The following EIF4E3 variants were observed in gnomAD, a reference collection of about 807,000 sequenced individuals.
The protein encoded by EIF4E3 is eukaryotic translation initiation factor 4E family member 3.
In EIF4E3, 26 loss-of-function variants were observed where a neutral mutation model predicts 31.7. That is an observed-to-expected ratio of 0.82 (90% CI 0.60 to 1.14). The LOEUF is 1.14. Among genes scored for constraint, EIF4E3 ranks in the 50% most tolerant of loss-of-function variants. EIF4E3 has a pLI of 0.00. For missense variants in EIF4E3, 304 were observed against 270.9 expected (o/e 1.12, Z -0.86); for synonymous variants, 128 against 107.7 (o/e 1.19, Z -1.17).
rs187223837 is a variant in EIF4E3, at chr3:71,744,099, G to A, written c.-291+9364C>T. 8.9e-3 allele frequency among the ~76,000 whole-genome samples: 1,345 copies of A among 151,876 alleles called. 13 individuals are homozygous for A. Among genetic ancestry groups the A allele is most frequent in the South Asian group, 0.021 (101 of 4,818 alleles). ...ATAAAATAATTCAAATTGATAAACT[G>A]AACTTCATCAAAATTAAAATCTCTG... On this transcript the variant is annotated intron_variant, in intron 1 of 7. Transcript: ENST00000295612.
chr3:71,750,531 T>C (rs917079011), intron 1 of EIF4E3, among the ~76,000 whole-genome samples: 17 of 152,214 alleles, frequency 1.1e-4, no homozygotes, highest in African/African-American at 3.9e-4. Flanking sequence ...GTAGTTTGTG[T>C]ATGTTAGTTT....
chr3:71,754,296 G>C, upstream of EIF4E3: 1 of 1,148,742 alleles, frequency 8.7e-7, no homozygotes, highest in Non-Finnish European at 1.1e-6. The surrounding 1 kb of genome is among the most constrained non-coding windows in gnomAD (Gnocchi z 5.8). Flanking sequence ...GCGGCGTGCG[G>C]CGGCCGCGGC....
chr3:71,710,590 A>G (rs1271757082), intron 1 of EIF4E3, 106 bp from the exon 2 acceptor site: 2 of 1,131,892 alleles, frequency 1.8e-6, no homozygotes, highest in Non-Finnish European at 2.6e-6. Flanking sequence ...TCAGGTCTCA[A>G]ACCACAGGAC....
intron 1 of EIF4E3, among the ~76,000 whole-genome samples, chr3:71,739,304 A>G (rs917297458): frequency 1.3e-5 from 2 of 152,086 alleles, no homozygotes; most frequent in Non-Finnish European, 2.9e-5. Flanking sequence ...GAAAAATAAT[A>G]GAGAAAATCA....
intron 2 of EIF4E3, among the ~76,000 whole-genome samples, chr3:71,707,722 C>T (rs866323110): frequency 6.6e-6 from 1 of 151,916 alleles, no homozygotes; most frequent in Non-Finnish European, 1.5e-5. Context: ...ATGCTTTGTA[C>T]GTAAAAAGAA....
the EIF4E3 span, among the ~76,000 whole-genome samples, chr3:71,665,907 C>T: frequency 6.6e-6 from 1 of 152,076 alleles, no homozygotes; most frequent in Non-Finnish European, 1.5e-5. Context: ...CCAATGAGAA[C>T]AAAGACACAA....
At chr3:71,668,544 T>A in the EIF4E3 span, among the ~76,000 whole-genome samples, 2 of 150,116 alleles carry the variant, frequency 1.3e-5, no homozygotes, top group East Asian at 2.0e-4. Context: ...TAAATAAATT[T>A]ACAAGAAAAA....
intron 1 of EIF4E3, among the ~76,000 whole-genome samples, chr3:71,732,037 C>T (rs929851768): frequency 2.0e-5 from 3 of 152,142 alleles, no homozygotes; most frequent in Non-Finnish European, 2.9e-5. Flanking sequence ...ATTTTCAGCT[C>T]TGCCACAACA....
At chr3:71,719,294 C>T (rs1030138300) in intron 1 of EIF4E3, among the ~76,000 whole-genome samples, 8 of 152,238 alleles carry the variant, frequency 5.3e-5, no homozygotes, top group Non-Finnish European at 1.0e-4. Context: ...ATGATCAATA[C>T]CTAGAGCAGT....
chr3:71,713,398 GTTTTCATCAAGT>G (rs1461010586), intron 1 of EIF4E3, among the ~76,000 whole-genome samples: 4 of 152,212 alleles, frequency 2.6e-5, no homozygotes, highest in Non-Finnish European at 5.9e-5. Context: ...CTCTTGGTAT[GTTTTCATCAAGT>G]CCACCATTTT....
rs527990463 is a variant in EIF4E3 at position 71,752,389 on chromosome 3, C to T, written c.-291+1074G>A. The stretch of plus-strand genomic sequence containing the variant: ...GGAGCACACCTAGTCATGTCGCTCC[C>T]CTTCTCAAAAGATTTCAAGGGCTCC... On this transcript the variant is annotated intron_variant, in intron 1 of 7. Transcript: ENST00000295612. Among the ~76,000 whole-genome samples, 3 of 152,240 alleles carry T rather than the reference C, an allele frequency of 2.0e-5. No individual in the cohort carries two copies. The South Asian group carries it at 6.2e-4, about 32-fold the overall frequency.
At chr3:71,712,924 C>A (rs1261929765) in intron 1 of EIF4E3, among the ~76,000 whole-genome samples, 1 of 150,296 alleles carries the variant, frequency 6.7e-6, no homozygotes, top group Non-Finnish European at 1.5e-5. Context: ...TCCGTCTCCA[C>A]AGTCTGGTCT....
At chr3:71,739,232 A>G (rs951243331) in intron 1 of EIF4E3, among the ~76,000 whole-genome samples, 1 of 151,578 alleles carries the variant, frequency 6.6e-6, no homozygotes, top group Non-Finnish European at 1.5e-5. Context: ...CAAAGCAAGC[A>G]TAAGGAAGAG....
At chr3:71,689,353 T>C (rs770110403) in intron 6 of EIF4E3, among the ~76,000 whole-genome samples, 1 of 152,202 alleles carries the variant, frequency 6.6e-6, no homozygotes, top group African/African-American at 2.4e-5. Flanking sequence ...CTACCAAACA[T>C]TGGTTTAATA....
At chr3:71,726,200 G>A (rs1380019965), upstream of EIF4E3, among the ~76,000 whole-genome samples, 5 of 152,310 alleles carry the variant, frequency 3.3e-5, no homozygotes, top group African/African-American at 1.2e-4. Context: ...CTGGCTTAAC[G>A]TGTGGCTAAC....
At chr3:71,663,973 G>A in the EIF4E3 span, among the ~76,000 whole-genome samples, 1 of 152,204 alleles carries the variant, frequency 6.6e-6, no homozygotes, top group Non-Finnish European at 1.5e-5. Context: ...TGGGCAGGGA[G>A]AGGGAGGGAG....
chr3:71,709,013 C>T (rs570187895), intron 2 of EIF4E3, among the ~76,000 whole-genome samples: 1 of 152,122 alleles, frequency 6.6e-6, no homozygotes, highest in Non-Finnish European at 1.5e-5. Context: ...ACACGCAGCA[C>T]CTTACAATCA....
In EIF4E3 at chr3:71,713,490, G is replaced by A. The variant is rs191892985; in HGVS notation, c.177-3006C>T. On this transcript the variant is annotated intron_variant, in intron 1 of 6. Transcript: ENST00000425534. ...CTCACTCTGTTGCCCAGGCTGGAGT[G>A]CAGTGGCATAATCATAGCTCACTGT... Among the ~76,000 whole-genome samples, 4 of 151,034 alleles carry A rather than the reference G, an allele frequency of 2.6e-5. No homozygotes were observed. The East Asian group carries it at 5.8e-4, about 22-fold the overall frequency.
In EIF4E3 at chr3:71,684,156, C is replaced by T. The variant is rs1282680351; in HGVS notation, c.*526G>A. 2.6e-5 allele frequency: 4 copies of T among 152,422 alleles called. No individual in the cohort carries two copies. Among genetic ancestry groups the T allele is most frequent in the African/African-American group, 9.7e-5 (4 of 41,390 alleles). The allele number at this position is 152,422 out of a possible 1,614,324, so 9.4% of individuals were successfully genotyped here. On this transcript the variant is annotated 3_prime_UTR_variant, in exon 7 of 7. Transcript: ENST00000425534. ...TTCTTTTCCCTGGGACAGAAAAAAA[C>T]AATGCCCAGCTCACAGTACATAGGA... is the stretch of plus-strand genomic sequence containing the variant.
Sources: gnomAD v4.1 joint callset for allele counts (sites outside exome capture counted in the v4.1 genomes callset) on GRCh38, gnomAD v4.1.1 for gene constraint, Gnocchi (gnomAD v3.1) non-coding constraint, MANE v1.5 for transcripts, NCBI Gene and HGNC (gene_info 2026-07-23, HGNC 2026-07-21) for gene names.